The following NSMCE4A variants were observed in gnomAD, a reference collection of about 807,000 sequenced individuals.
NSMCE4A encodes the protein NSE4A component of SMC5/6 complex.
A neutral mutation model predicts 47.9 loss-of-function variants in NSMCE4A; 40 were observed. The observed-to-expected ratio is 0.83, with a 90% CI of 0.65 to 1.09. The LOEUF is 1.09. Ranked by LOEUF, NSMCE4A falls within the 50% of genes least tolerant of loss-of-function variation. The probability of loss-of-function intolerance (pLI) is 0.00; values close to 1 mark genes in which losing one functional copy is unlikely to be tolerated. For synonymous variants in NSMCE4A, 166 were observed against 178.5 expected (o/e 0.93, Z 0.56); for missense variants, 500 against 507.0 (o/e 0.99, Z 0.13).
At chr10:121,974,248 G>A in intron 1 of NSMCE4A, 167 bp from the exon 2 acceptor site, 1 of 1,420,450 alleles carries the variant, frequency 7.0e-7, no homozygotes, top group Non-Finnish European at 9.3e-7. Context: ...AAAGGAGAAA[G>A]GCCACCCTAC....
intron 4 of NSMCE4A, chr10:121,966,823 T>A (rs1011341669): frequency 5.9e-5 from 9 of 152,212 alleles, no homozygotes; most frequent in Admixed American, 2.6e-4. Context: ...AATTTCTCCA[T>A]AGGACCATGC....
At chr10:121,973,684 A>G (rs573936390) in intron 2 of NSMCE4A, among the ~76,000 whole-genome samples, 3 of 152,310 alleles carry the variant, frequency 2.0e-5, no homozygotes, top group South Asian at 2.1e-4. Context: ...CACTCAACCA[A>G]TGTATACTAG....
At chr10:121,965,410 A>T (rs1564994558) in intron 4 of NSMCE4A, 25 bp from the exon 5 acceptor site, 2 of 1,550,740 alleles carry the variant, frequency 1.3e-6, no homozygotes, top group East Asian at 2.3e-5. Context: ...GCTTTCATTT[A>T]TTTTTTTTGC....
intron 2 of NSMCE4A, among the ~76,000 whole-genome samples, chr10:121,973,479 G>A (rs1952756593): frequency 6.6e-6 from 1 of 152,104 alleles, no homozygotes. Flanking sequence ...CTAGAGTTCA[G>A]TGCTCTGGGA....
chr10:121,961,142 G>A (rs1952489958), intron 7 of NSMCE4A, among the ~76,000 whole-genome samples: 1 of 152,024 alleles, frequency 6.6e-6, no homozygotes, highest in Non-Finnish European at 1.5e-5. Context: ...ATCAAATGCA[G>A]GAAATTTAAC....
chr10:121,960,456 C>A lies in NSMCE4A; in HGVS notation c.940-50G>T. 1 of 1,336,572 alleles carries A rather than the reference C, an allele frequency of 7.5e-7. No homozygotes were observed. Among genetic ancestry groups the A allele is most frequent in the Non-Finnish European group, 1.0e-6 (1 of 990,134 alleles). The allele number at this position is 1,336,572 out of a possible 1,614,324, so 82.8% of individuals were successfully genotyped here. On this transcript the variant is annotated intron_variant, in intron 7 of 10. Coordinates refer to ENST00000369023, the MANE Select transcript of NSMCE4A (RefSeq NM_017615.3). This position sits in a 1 kb window ranked among gnomAD's most constrained non-coding sequence, Gnocchi z 4.2. ...AGAAGACAAACATTTAAGACTCAAACCTATACGCACTAGATGGAAAAAATT... is the reference window on the plus strand; with the variant it reads ...AGAAGACAAACATTTAAGACTCAAAACTATACGCACTAGATGGAAAAAATT...
chr10:121,965,483 TCAGAC>T, intron 4 of NSMCE4A, 98 bp from the exon 5 acceptor site: 1 of 845,944 alleles, frequency 1.2e-6, no homozygotes, highest in Non-Finnish European at 2.0e-6. Flanking sequence ...ATAGTCAAAT[TCAGAC>T]CAGACATCAG....
rs898728210 is a variant in NSMCE4A, at chr10:121,960,169, G to T, written c.988+189C>A. 2 of 412,584 alleles carry T rather than the reference G, an allele frequency of 4.8e-6. No homozygotes were observed. Among genetic ancestry groups the T allele is most frequent in the Admixed American group, 4.4e-5 (1 of 22,668 alleles). The allele number at this position is 412,584 out of a possible 1,614,324, so 25.6% of individuals were successfully genotyped here. ...TATTTACAGCAGATGTTGAATCAATGATATAGATGAATCCATCAAAATTTT... is the reference window on the plus strand; with the variant it reads ...TATTTACAGCAGATGTTGAATCAATTATATAGATGAATCCATCAAAATTTT... On this transcript the variant is annotated intron_variant, in intron 8 of 10. Coordinates refer to ENST00000369023, the MANE Select transcript of NSMCE4A (RefSeq NM_017615.3). This position sits in a 1 kb window ranked among gnomAD's most constrained non-coding sequence, Gnocchi z 4.2.
chr10:121,965,619 C>T (rs1952592663), intron 4 of NSMCE4A: 1 of 473,828 alleles, frequency 2.1e-6, no homozygotes, highest in African/African-American at 2.0e-5. Flanking sequence ...CCTCCTCAGA[C>T]ACCTACATAC....
chr10:121,969,781 T>C (rs1434470322), intron 3 of NSMCE4A, among the ~76,000 whole-genome samples: 2 of 152,200 alleles, frequency 1.3e-5, no homozygotes, highest in Non-Finnish European at 2.9e-5. Flanking sequence ...AGTGGCGCGA[T>C]CTCGGCTCAC....
At chr10:121,961,542 AT>A in intron 6 of NSMCE4A, 25 bp from the exon 7 acceptor site, 1 of 1,480,208 alleles carries the variant, frequency 6.8e-7, no homozygotes, top group Non-Finnish European at 9.1e-7. Flanking sequence ...AGAAAAAAAA[AT>A]TGATTTTTGC....
chr10:121,962,405 C>T (rs180800047), intron 6 of NSMCE4A, among the ~76,000 whole-genome samples: 100 of 145,896 alleles, frequency 6.9e-4, no homozygotes, highest in African/African-American at 2.4e-3. Context: ...GGCGACAGAG[C>T]GAGACTCTGT....
chr10:121,966,415 T>C (rs193118452), intron 4 of NSMCE4A: 9 of 152,350 alleles, frequency 5.9e-5, no homozygotes, highest in Admixed American at 5.9e-4. Context: ...AGATAAAGTT[T>C]AAGGCTTTAT....
At chr10:121,957,685 C>T (rs964511037) in intron 10 of NSMCE4A, among the ~76,000 whole-genome samples, 27 of 151,908 alleles carry the variant, frequency 1.8e-4, no homozygotes, top group African/African-American at 3.4e-4. Flanking sequence ...CCGCCTGCCT[C>T]GCCCTCCCAA....
At chr10:121,957,730 G>A (rs555259375) in intron 10 of NSMCE4A, among the ~76,000 whole-genome samples, 10 of 151,498 alleles carry the variant, frequency 6.6e-5, no homozygotes, top group African/African-American at 1.5e-4. Flanking sequence ...CACTGCGCCC[G>A]GCCTATTCCC....
chr10:121,960,384 A>G lies in NSMCE4A; in HGVS notation c.962T>C (p.Leu321Pro), dbSNP rs1246485576. 1.5e-5 allele frequency: 22 copies of G among 1,501,632 alleles called. No individual in the cohort carries two copies. Among genetic ancestry groups the G allele is most frequent in the Non-Finnish European group, 1.8e-5 (21 of 1,138,792 alleles). The allele number at this position is 1,501,632 out of a possible 1,614,324, so 93.0% of individuals were successfully genotyped here. ...TATTACTGGCAGTCGGTCTTGGTCAAGTCTTATTCTTGCAAAACCATCCTA... is the reference window on the plus strand; with the variant it reads ...TATTACTGGCAGTCGGTCTTGGTCAGGTCTTATTCTTGCAAAACCATCCTA... ...IIRDGFARIR[L>P]DQDRLPVIEP... The change falls in exon 8 of 11, where the codon CTT becomes CCT. Residue 321 changes from leucine to proline, a missense_variant. Leu to Pro is a moderately conservative substitution (Grantham distance 98). Coordinates refer to ENST00000369023, the MANE Select transcript of NSMCE4A (RefSeq NM_017615.3). This position sits in a 1 kb window ranked among gnomAD's most constrained non-coding sequence, Gnocchi z 4.2.
intron 8 of NSMCE4A, chr10:121,959,909 T>C (rs2134733672): frequency 2.6e-6 from 1 of 378,456 alleles, no homozygotes; most frequent in Non-Finnish European, 4.8e-6. Flanking sequence ...ACATTGAAAG[T>C]AGCAAGTAAG....
At chr10:121,972,307 G>A (rs1451259334) in intron 2 of NSMCE4A, among the ~76,000 whole-genome samples, 1 of 151,758 alleles carries the variant, frequency 6.6e-6, no homozygotes, top group African/African-American at 2.4e-5. Flanking sequence ...CTGGGCGACA[G>A]GTGTAGGTGT....
chr10:121,973,065 G>A (rs141215332), intron 2 of NSMCE4A, among the ~76,000 whole-genome samples: 10,931 of 151,852 alleles, frequency 0.072, 1,349 homozygotes, highest in African/African-American at 0.25. Context: ...GGCGAAACCC[G>A]TCTCTACTAA....
Sources: gnomAD v4.1 joint callset for allele counts (sites outside exome capture counted in the v4.1 genomes callset) on GRCh38, gnomAD v4.1.1 for gene constraint, Gnocchi (gnomAD v3.1) non-coding constraint, MANE v1.5 for transcripts, NCBI Gene and HGNC (gene_info 2026-07-23, HGNC 2026-07-21) for gene names.